Variants in TP63 observed in about 807,000 individuals in gnomAD.
TP63 encodes tumor protein 63.
TP63 carries 17 observed loss-of-function variants against 82.8 expected under a neutral mutation model. The ratio of observed to expected loss-of-function variants is 0.21; its 90% CI spans 0.14 to 0.31. The LOEUF (loss-of-function observed/expected upper bound fraction) is 0.31. Among genes scored for constraint, TP63 ranks in the 10% least tolerant of loss-of-function variants. The probability of loss-of-function intolerance (pLI) is 1.00; values close to 1 mark genes in which losing one functional copy is unlikely to be tolerated. For missense variants in TP63, 648 were observed against 895.3 expected, an observed-to-expected ratio of 0.72 and a Z score of 3.52; for synonymous variants, 330 against 321.7, an observed-to-expected ratio of 1.03 and a Z score of -0.28.
intron 3 of TP63, among the ~76,000 whole-genome samples, chr3:189,756,120 T>C (rs1465351822): frequency 6.6e-6 from 1 of 152,232 alleles, no homozygotes; most frequent in African/African-American, 2.4e-5. Context: ...TTTCCCCTTT[T>C]CCTTCTTAAC....
At chr3:189,887,808 C>T (rs1231202709) in intron 11 of TP63, among the ~76,000 whole-genome samples, 2 of 150,494 alleles carry the variant, frequency 1.3e-5, no homozygotes, top group East Asian at 3.9e-4. Flanking sequence ...TCAGGGGAGG[C>T]TAGGATTATG....
At chr3:189,761,164 A>G (rs1241277303) in intron 3 of TP63, among the ~76,000 whole-genome samples, 2 of 152,242 alleles carry the variant, frequency 1.3e-5, no homozygotes, top group South Asian at 2.1e-4. Flanking sequence ...TTGGTGATTA[A>G]CATTAGGCTG....
At chr3:189,857,314 A>G (rs776861368) in intron 4 of TP63, among the ~76,000 whole-genome samples, 1 of 152,196 alleles carries the variant, frequency 6.6e-6, no homozygotes, top group Non-Finnish European at 1.5e-5. Flanking sequence ...TGTTAGAACA[A>G]TTGGATATCT....
intron 1 of TP63, among the ~76,000 whole-genome samples, chr3:189,665,475 A>G (rs1714301913): frequency 6.6e-6 from 1 of 152,132 alleles, no homozygotes; most frequent in Admixed American, 6.6e-5. Context: ...CAAATAGATT[A>G]GAGTATATGT....
chr3:189,831,245 G>A (rs1440932554), intron 4 of TP63, among the ~76,000 whole-genome samples: 1 of 151,936 alleles, frequency 6.6e-6, no homozygotes, highest in African/African-American at 2.4e-5. Flanking sequence ...AGGTTCCTTG[G>A]GTCCTGCATT....
At chr3:189,711,102 G>A (rs1018309372) in intron 1 of TP63, among the ~76,000 whole-genome samples, 1 of 152,150 alleles carries the variant, frequency 6.6e-6, no homozygotes, top group African/African-American at 2.4e-5. Flanking sequence ...TATGGTAGGG[G>A]TCATCTGTTG....
At chr3:189,740,269 T>C (rs1195822033) in intron 3 of TP63, among the ~76,000 whole-genome samples, 2 of 152,166 alleles carry the variant, frequency 1.3e-5, no homozygotes, top group Admixed American at 6.5e-5. Flanking sequence ...ATGTGTAAAC[T>C]CTGATTTGAC....
intron 4 of TP63, among the ~76,000 whole-genome samples, chr3:189,812,756 A>G (rs1727712146): frequency 1.3e-5 from 2 of 152,190 alleles, no homozygotes. Flanking sequence ...TTGGGTCTGA[A>G]TTTGAATTTC....
chr3:189,728,066 T>C (rs558640029), intron 1 of TP63, among the ~76,000 whole-genome samples: 7 of 152,264 alleles, frequency 4.6e-5, no homozygotes, highest in African/African-American at 1.7e-4. Context: ...CTGTACACTT[T>C]ATGTCTGAAG....
chr3:189,683,587 C>G (rs1397117057), intron 1 of TP63, among the ~76,000 whole-genome samples: 1 of 152,224 alleles, frequency 6.6e-6, no homozygotes, highest in Admixed American at 6.5e-5. Flanking sequence ...AGCTATATTT[C>G]TTCCTCAACA....
At chr3:189,694,787 A>G (rs1161856023) in intron 1 of TP63, among the ~76,000 whole-genome samples, 2 of 61,920 alleles carry the variant, frequency 3.2e-5, no homozygotes, top group East Asian at 3.8e-4. Flanking sequence ...CAGTATTTAC[A>G]GCCTTTTTTT....
At chr3:189,809,290 G>A (rs1429385016) in intron 4 of TP63, among the ~76,000 whole-genome samples, 2 of 151,988 alleles carry the variant, frequency 1.3e-5, no homozygotes, top group Non-Finnish European at 2.9e-5. Context: ...ACAAGAATTA[G>A]TCCAAAGAAA....
At chr3:189,747,288 G>A (rs1348673258) in intron 3 of TP63, among the ~76,000 whole-genome samples, 3 of 151,938 alleles carry the variant, frequency 2.0e-5, no homozygotes, top group African/African-American at 4.8e-5. Context: ...CAACAGCTAC[G>A]GAATACAGAT....
intron 4 of TP63, among the ~76,000 whole-genome samples, chr3:189,850,543 G>A (rs925196636): frequency 1.3e-5 from 2 of 152,070 alleles, no homozygotes; most frequent in African/African-American, 4.8e-5. Flanking sequence ...ATTGAAAATA[G>A]ATTACTAAGG....
intron 11 of TP63, among the ~76,000 whole-genome samples, chr3:189,887,940 T>C (rs975664364): frequency 2.0e-5 from 3 of 150,662 alleles, no homozygotes; most frequent in Admixed American, 6.6e-5. Context: ...CACTGTAATC[T>C]CTGCCTCCCA....
chr3:189,664,849 A>G (rs1714238322), intron 1 of TP63, among the ~76,000 whole-genome samples: 1 of 152,040 alleles, frequency 6.6e-6, no homozygotes. Flanking sequence ...GTAGAAAGCT[A>G]TAATTTCACT....
At chr3:189,767,751 CTTAA>C (rs1268678767) in intron 3 of TP63, among the ~76,000 whole-genome samples, 3 of 152,022 alleles carry the variant, frequency 2.0e-5, no homozygotes, top group African/African-American at 7.2e-5. Context: ...CATCTTATGG[CTTAA>C]TTACAGGAGA....
At chr3:189,657,209 C>A (rs1273694237) in intron 1 of TP63, among the ~76,000 whole-genome samples, 3 of 151,942 alleles carry the variant, frequency 2.0e-5, no homozygotes, top group Non-Finnish European at 4.4e-5. Flanking sequence ...ATAGAAGGTA[C>A]ATAGGAGATT....
intron 3 of TP63, among the ~76,000 whole-genome samples, chr3:189,797,927 C>G (rs1725877378): frequency 6.6e-6 from 1 of 152,048 alleles, no homozygotes; most frequent in South Asian, 2.1e-4. Flanking sequence ...CCTGAAAAAG[C>G]TCTCAGATTC....
Sources: gnomAD v4.1 joint callset for allele counts (sites outside exome capture counted in the v4.1 genomes callset) on GRCh38, gnomAD v4.1.1 for gene constraint, MANE v1.5 for transcripts, NCBI Gene and HGNC (gene_info 2026-07-23, HGNC 2026-07-21) for gene names.